Variants in CPSF6 observed in about 807,000 individuals in gnomAD.
CPSF6 encodes cleavage and polyadenylation specific factor 6.
A neutral mutation model predicts 56.7 loss-of-function variants in CPSF6; 10 were observed. That is an observed-to-expected ratio of 0.18 (90% CI 0.11 to 0.30). The LOEUF is 0.30. CPSF6 is among the 10% of genes least tolerant of loss of function. The pLI is 1.00. For missense variants in CPSF6, 419 were observed against 722.9 expected (o/e 0.58, Z 4.82); for synonymous variants, 248 against 244.8 (o/e 1.01, Z -0.12).
At chr12:69,256,579 C>A in intron 3 of CPSF6, 118 bp from the exon 4 acceptor site, 1 of 987,568 alleles carries the variant, frequency 1.0e-6, no homozygotes, top group Non-Finnish European at 1.5e-6. Context: ...CAGGCATGAG[C>A]CACTGTGCCC....
chr12:69,252,589 G>C (rs991484189), intron 2 of CPSF6, among the ~76,000 whole-genome samples: 2 of 152,132 alleles, frequency 1.3e-5, no homozygotes, highest in African/African-American at 4.8e-5. Context: ...TATAATAATA[G>C]TGCTTATATG....
intron 1 of CPSF6, among the ~76,000 whole-genome samples, chr12:69,240,858 G>A (rs909000889): frequency 2.6e-4 from 40 of 152,184 alleles, no homozygotes; most frequent in African/African-American, 9.7e-4. Flanking sequence ...GTTTGAACCT[G>A]CTGTTCGTAT....
At chr12:69,240,082 C>G (rs1871526484) in intron 1 of CPSF6, among the ~76,000 whole-genome samples, 1 of 151,596 alleles carries the variant, frequency 6.6e-6, no homozygotes, top group Non-Finnish European at 1.5e-5. Flanking sequence ...GCCGCCGCCG[C>G]GCCCCCTCCC....
rs546346659 is a variant in CPSF6, at chr12:69,271,330, A to G, written c.*1822A>G. 2.6e-5 allele frequency: 4 copies of G among 152,248 alleles called. No homozygotes were observed. In the South Asian group the frequency reaches 8.3e-4, roughly 32 times the overall value. The allele number at this position is 152,248 out of a possible 1,614,324, so 9.4% of individuals were successfully genotyped here. ...TTCTTGGCTTTTTAATATTTTGACT[A>G]CAATGCCCTAATGCGAAGAAGTATG... On this transcript the variant is annotated 3_prime_UTR_variant, in exon 10 of 10. Transcript: ENST00000435070.
intron 3 of CPSF6, among the ~76,000 whole-genome samples, chr12:69,253,923 T>C (rs1872375625): frequency 6.6e-6 from 1 of 152,192 alleles, no homozygotes; most frequent in South Asian, 2.1e-4. Context: ...GGATTTTCTT[T>C]TAAGGATAAA....
At chr12:69,247,755 T>G (rs1449341537) in intron 1 of CPSF6, among the ~76,000 whole-genome samples, 3 of 151,252 alleles carry the variant, frequency 2.0e-5, no homozygotes, top group Non-Finnish European at 3.0e-5. Context: ...ATGTTCTGTA[T>G]TTTTTTTTAC....
intron 1 of CPSF6, among the ~76,000 whole-genome samples, chr12:69,250,504 C>T (rs939761577): frequency 6.9e-6 from 1 of 144,990 alleles, no homozygotes; most frequent in African/African-American, 2.6e-5. Flanking sequence ...TGGCTCAAGC[C>T]TATATTTGGG....
At chr12:69,243,774 A>C (rs1418953012) in intron 1 of CPSF6, among the ~76,000 whole-genome samples, 1 of 152,052 alleles carries the variant, frequency 6.6e-6, no homozygotes, top group Admixed American at 6.5e-5. Flanking sequence ...AACACTGTAC[A>C]GTACACTCAG....
chr12:69,241,053 T>A (rs1035926380), intron 1 of CPSF6, among the ~76,000 whole-genome samples: 3 of 152,196 alleles, frequency 2.0e-5, no homozygotes, highest in Non-Finnish European at 1.5e-5. Flanking sequence ...TCAGGCTTTT[T>A]AAAAAACAAG....
At chr12:69,250,590 CAAAA>C (rs61337613) in intron 1 of CPSF6, among the ~76,000 whole-genome samples, 3 of 48,862 alleles carry the variant, frequency 6.1e-5, no homozygotes, top group Non-Finnish European at 1.6e-4. Context: ...CTGGTCTCTA[CAAAA>C]AAAAAAAAAA....
chr12:69,263,950 T>C (rs1872859341), intron 9 of CPSF6, among the ~76,000 whole-genome samples: 1 of 152,090 alleles, frequency 6.6e-6, no homozygotes, highest in Admixed American at 6.5e-5. Flanking sequence ...CTCAAAACAT[T>C]CTTTTAATAT....
intron 1 of CPSF6, among the ~76,000 whole-genome samples, chr12:69,243,249 C>A (rs150403312): frequency 3.3e-5 from 5 of 152,258 alleles, no homozygotes; most frequent in African/African-American, 9.6e-5. Flanking sequence ...ATCCACAGTT[C>A]CACTTTCTGT....
chr12:69,258,454 T>TTACC lies in CPSF6; in HGVS notation c.695-135_695-132dup. 1 of 888,988 alleles carries TTACC rather than the reference T, an allele frequency of 1.1e-6. No individual in the cohort carries two copies. The highest frequency in any genetic ancestry group is 1.7e-6 in the Non-Finnish European group (1 of 606,038). The allele number at this position is 888,988 out of a possible 1,614,324, so 55.1% of individuals were successfully genotyped here. A position where few individuals can be genotyped will look rare whatever the true frequency, so the allele number is the denominator to read the frequency against. On this transcript the variant is annotated intron_variant, in intron 5 of 9. Coordinates refer to ENST00000435070, the MANE Select transcript of CPSF6 (RefSeq NM_007007.3). The surrounding 1 kb of genome is among the most constrained non-coding windows in gnomAD (Gnocchi z 4.2). ...TTCATTGTAGTTGGTAGTGTAACAT[T>TTACC]TACCATACGGGTTTAATTTAAAGAC...
intron 1 of CPSF6, among the ~76,000 whole-genome samples, chr12:69,243,256 C>G (rs1460539469): frequency 2.0e-5 from 3 of 152,142 alleles, no homozygotes; most frequent in Non-Finnish European, 2.9e-5. Flanking sequence ...GTTCCACTTT[C>G]TGTGGTTTCA....
At chr12:69,260,608 G>A (rs776578668) in intron 8 of CPSF6, among the ~76,000 whole-genome samples, 6 of 151,988 alleles carry the variant, frequency 3.9e-5, no homozygotes, top group South Asian at 2.1e-4. Context: ...TATTCTTCAC[G>A]TCTCATTCTA....
intron 1 of CPSF6, among the ~76,000 whole-genome samples, chr12:69,248,767 A>G (rs1872046753): frequency 6.6e-6 from 1 of 152,124 alleles, no homozygotes; most frequent in Non-Finnish European, 1.5e-5. Flanking sequence ...CAGACCCCTT[A>G]TTAAATAAGT....
rs1873328854 is a variant in CPSF6 at position 69,273,110 on chromosome 12, T to C, written c.*3602T>C. 3 of 447,584 alleles carry C rather than the reference T, an allele frequency of 6.7e-6. No individual in the cohort carries two copies. Among genetic ancestry groups the C allele is most frequent in the South Asian group, 5.2e-5 (3 of 57,578 alleles). The allele number at this position is 447,584 out of a possible 1,614,324, so 27.7% of individuals were successfully genotyped here. On this transcript the variant is annotated 3_prime_UTR_variant, in exon 10 of 10. Coordinates refer to ENST00000435070, the MANE Select transcript of CPSF6 (RefSeq NM_007007.3). ...ATCAAGATTCAGGATTAAAGTTTCATTGTAAGTTGAAATAGAAAATGTATT... is the reference window on the plus strand; with the variant it reads ...ATCAAGATTCAGGATTAAAGTTTCACTGTAAGTTGAAATAGAAAATGTATT...
At position 69,257,850 on chromosome 12, in the gene CPSF6, T is replaced by G. The variant is rs765723351; in HGVS notation, c.639T>G (p.Gly213=). The G allele has an allele frequency of 5.6e-6, 9 of 1,610,152 alleles. No individual in the cohort carries two copies. Among genetic ancestry groups the G allele is most frequent in the South Asian group, 2.2e-5 (2 of 90,434 alleles). Residue 213 remains glycine, a synonymous_variant, in exon 5 of 10, where the codon GGT becomes GGG. Coordinates refer to ENST00000435070, the MANE Select transcript of CPSF6 (RefSeq NM_007007.3). ...GRGRFPGAVP[G]GDRFPGPAGP... ...GCCGTTTTCCAGGGGCTGTTCCTGG[T>G]GGGGACAGATTTCCTGGGCCAGCAG...
intron 3 of CPSF6, chr12:69,255,149 C>T (rs1028331417): frequency 1.3e-5 from 2 of 152,186 alleles, no homozygotes; most frequent in African/African-American, 2.4e-5. Context: ...ATACGTAGTC[C>T]TATGTGACTG....
Sources: gnomAD v4.1 joint callset for allele counts (sites outside exome capture counted in the v4.1 genomes callset) on GRCh38, gnomAD v4.1.1 for gene constraint, Gnocchi (gnomAD v3.1) non-coding constraint, MANE v1.5 for transcripts, NCBI Gene and HGNC (gene_info 2026-07-23, HGNC 2026-07-21) for gene names.